Variants in STAU2 observed in about 807,000 individuals in gnomAD.
The protein encoded by STAU2 is staufen double-stranded RNA binding protein 2.
A neutral mutation model predicts 65.9 loss-of-function variants in STAU2; 20 were observed. That is an observed-to-expected ratio of 0.30 (90% confidence interval 0.21 to 0.44). STAU2 has a LOEUF of 0.44. Ranked by LOEUF, STAU2 falls within the 20% of genes least tolerant of loss-of-function variation. STAU2 has a pLI of 1.00. For missense variants in STAU2, 558 were observed against 683.9 expected (o/e 0.82, Z 2.05); for synonymous variants, 232 against 233.9 (o/e 0.99, Z 0.07).
intron 13 of STAU2, among the ~76,000 whole-genome samples, chr8:73,455,804 G>A (rs542818047): frequency 2.1e-4 from 32 of 152,130 alleles, no homozygotes; most frequent in Middle Eastern, 3.4e-3. Context: ...ACTACAACGT[G>A]TCTCTGTACA....
At chr8:73,586,646 CAAAAAAAA>C (rs56687221) in intron 11 of STAU2, among the ~76,000 whole-genome samples, 11 of 62,728 alleles carry the variant, frequency 1.8e-4, no homozygotes, top group African/African-American at 4.3e-4. Context: ...AAAAAAAATG[CAAAAAAAA>C]AAAAAAAAAA....
chr8:73,673,850 C>T lies in STAU2; in HGVS notation c.275-608G>A, dbSNP rs568009371. ...GATAAAAACAAAAGACTGAAAACAA[C>T]CTAAACAACCATCAATGCAGCATCA... is the stretch of plus-strand genomic sequence containing the variant. On this transcript the variant is annotated intron_variant, in intron 5 of 14. Transcript: ENST00000524300. Among the ~76,000 whole-genome samples the T allele has an allele frequency of 3.0e-4, 46 of 151,942 alleles. No homozygotes were observed. In the South Asian group the frequency reaches 9.2e-3, roughly 30 times the overall value.
chr8:73,472,221 G>A (rs1820075156), intron 13 of STAU2, among the ~76,000 whole-genome samples: 1 of 152,196 alleles, frequency 6.6e-6, no homozygotes, highest in Non-Finnish European at 1.5e-5. Flanking sequence ...AAGGCTTCAT[G>A]AAAAGCTATA....
intron 12 of STAU2, among the ~76,000 whole-genome samples, chr8:73,566,079 G>C (rs1238361587): frequency 6.6e-6 from 1 of 152,204 alleles, no homozygotes; most frequent in Non-Finnish European, 1.5e-5. Context: ...ATCTGGGTTT[G>C]AGTTGAGGCA....
intron 2 of STAU2, among the ~76,000 whole-genome samples, chr8:73,738,967 G>A (rs1268627215): frequency 6.6e-6 from 1 of 151,966 alleles, no homozygotes. Flanking sequence ...ATTTCAGGCT[G>A]GGCGTGGTAA....
At chr8:73,627,233 A>AGGGGGGGGGGG in intron 6 of STAU2, among the ~76,000 whole-genome samples, 1 of 5,088 alleles carries the variant, frequency 2.0e-4, no homozygotes, top group Non-Finnish European at 5.4e-4. Flanking sequence ...AGGGGGGGGC[A>AGGGGGGGGGGG]GGAGGGCGGG....
At chr8:73,633,335 C>A (rs1013009864) in intron 6 of STAU2, among the ~76,000 whole-genome samples, 4 of 152,132 alleles carry the variant, frequency 2.6e-5, no homozygotes, top group African/African-American at 9.7e-5. Context: ...TCCACAGCAC[C>A]CCCTAACCTC....
At chr8:73,490,419 A>T (rs920250818) in intron 13 of STAU2, among the ~76,000 whole-genome samples, 1 of 152,006 alleles carries the variant, frequency 6.6e-6, no homozygotes, top group Admixed American at 6.6e-5. Context: ...AAATTTGATA[A>T]TATGAAGGTG....
intron 9 of STAU2, among the ~76,000 whole-genome samples, chr8:73,604,412 T>C (rs1053083772): frequency 6.6e-6 from 1 of 152,008 alleles, no homozygotes; most frequent in Non-Finnish European, 1.5e-5. Flanking sequence ...ATATTTTTAG[T>C]AGAGATGGGG....
At chr8:73,471,616 T>C (rs1172350570) in intron 13 of STAU2, among the ~76,000 whole-genome samples, 2 of 151,048 alleles carry the variant, frequency 1.3e-5, no homozygotes, top group South Asian at 4.2e-4. Flanking sequence ...GTCAGGAGTT[T>C]GAGAACAGCC....
chr8:73,667,245 TA>T (rs1279935372), intron 6 of STAU2, among the ~76,000 whole-genome samples: 1 of 152,150 alleles, frequency 6.6e-6, no homozygotes, highest in African/African-American at 2.4e-5. Flanking sequence ...CTTCAAGTTT[TA>T]GGAATATTGC....
chr8:73,596,675 C>G (rs550833701), intron 10 of STAU2, among the ~76,000 whole-genome samples: 2 of 151,454 alleles, frequency 1.3e-5, no homozygotes, highest in Non-Finnish European at 1.5e-5. Flanking sequence ...ATAGTGAGAC[C>G]CCATTTTTAC....
Position 73,673,174 on chromosome 8 carries a change from G to A in STAU2, c.343C>T (p.Pro115Ser). 3 of 1,606,148 alleles carry A rather than the reference G, an allele frequency of 1.9e-6. No individual in the cohort carries two copies. The highest frequency in any genetic ancestry group is 1.7e-6 in the Non-Finnish European group (2 of 1,175,300). The change falls in exon 6 of 15, where the codon CCA (proline) becomes TCA (serine). Residue 115 changes from proline (P) to serine (S), a missense_variant. Pro to Ser is a moderately conservative substitution (Grantham distance 74). Around this residue, in one of 3 missense-constraint regions of STAU2, gnomAD observed 199 missense variants for 299.5 expected, o/e 0.66. Coordinates refer to ENST00000524300, the MANE Select transcript of STAU2 (RefSeq NM_001164380.2). The part of the protein sequence containing the change: ...MKRGEPAIYR[P>S]LDPKPFPNYR... ...TTTGGGAATGGCTTTGGATCTAATG[G>A]CCTGTAGATGGCAGGCTCTCCCCTT... is the stretch of plus-strand genomic sequence containing the variant.
rs1158431136 is a variant in STAU2 at position 73,549,657 on chromosome 8, A to G, written c.1530+2355T>C. 3.0e-6 allele frequency: 3 copies of G among 985,304 alleles called. No individual in the cohort carries two copies. The African/African-American group carries it at 5.2e-5, about 17-fold the overall frequency. The allele number at this position is 985,304 out of a possible 1,614,324, so 61.0% of individuals were successfully genotyped here. ...TTGTAATACAATATAGCTGTCACAT[A>G]CAATGGCTCTAGTAGGCTTAAATCA... On this transcript the variant is annotated intron_variant, in intron 13 of 14. Transcript: ENST00000524300.
Position 73,596,667 on chromosome 8 carries a change from A to C in STAU2, c.1030-1370T>G, listed in dbSNP as rs1160557584. On this transcript the variant is annotated intron_variant, in intron 10 of 14. Transcript: ENST00000524300. ...AGTTTGAGACCCGCCTGGGCAATAT[A>C]GTGAGACCCCATTTTTACAAAAAAA... Among the ~76,000 whole-genome samples, 3 of 151,918 alleles carry C rather than the reference A, an allele frequency of 2.0e-5. No individual in the cohort carries two copies. In the East Asian group the frequency reaches 5.8e-4, roughly 29 times the overall value.
At chr8:73,533,405 T>C (rs530453870) in intron 13 of STAU2, among the ~76,000 whole-genome samples, 2 of 152,350 alleles carry the variant, frequency 1.3e-5, no homozygotes, top group Admixed American at 6.5e-5. Context: ...TAGTTTGATT[T>C]GTAATCTCAT....
chr8:73,623,682 T>G (rs1451299396), intron 6 of STAU2, among the ~76,000 whole-genome samples: 1 of 152,222 alleles, frequency 6.6e-6, no homozygotes, highest in Non-Finnish European at 1.5e-5. Flanking sequence ...TCGATTATTT[T>G]GACTCTTTGT....
chr8:73,709,579 G>A (rs1311992781), intron 3 of STAU2, among the ~76,000 whole-genome samples: 3 of 151,748 alleles, frequency 2.0e-5, no homozygotes, highest in African/African-American at 7.3e-5. Flanking sequence ...TTATGAGGCA[G>A]TGTGTTAGAA....
intron 1 of STAU2, among the ~76,000 whole-genome samples, chr8:73,740,370 A>G (rs1355583502): frequency 2.6e-5 from 4 of 152,238 alleles, no homozygotes; most frequent in Admixed American, 6.5e-5. Flanking sequence ...GTATTAATTA[A>G]TATTTGGATA....
Sources: allele counts gnomAD v4.1 joint callset (sites outside exome capture counted in the v4.1 genomes callset), GRCh38; gene constraint gnomAD v4.1.1; regional missense constraint gnomAD v4.1.1; transcripts MANE v1.5; gene names NCBI Gene and HGNC (gene_info 2026-07-23, HGNC 2026-07-21).